The following MYT1L variants were observed in gnomAD, a reference collection of about 807,000 sequenced individuals.
MYT1L encodes myelin transcription factor 1 like.
In MYT1L, 12 loss-of-function variants were observed where a neutral mutation model predicts 126.7. The observed-to-expected ratio is 0.09, with a 90% CI of 0.06 to 0.15. MYT1L has a LOEUF of 0.15. Among genes scored for constraint, MYT1L ranks in the 10% least tolerant of loss-of-function variants. MYT1L has a pLI of 1.00. For synonymous variants in MYT1L, 541 were observed against 604.2 expected, an observed-to-expected ratio of 0.90 and a Z score of 1.53; for missense variants, 979 against 1,585.2, an observed-to-expected ratio of 0.62 and a Z score of 6.49.
chr2:1,846,241 C>T (rs745589403), intron 19 of MYT1L, among the ~76,000 whole-genome samples: 7 of 152,126 alleles, frequency 4.6e-5, no homozygotes, highest in African/African-American at 9.7e-5. Flanking sequence ...ACCTGTACCT[C>T]GAGGCTAGGA....
At chr2:2,262,190 A>G (rs1488880617) in intron 2 of MYT1L, among the ~76,000 whole-genome samples, 1 of 152,190 alleles carries the variant, frequency 6.6e-6, no homozygotes, top group Non-Finnish European at 1.5e-5. Context: ...GTAAATAATC[A>G]ACTTTGGGGA....
intron 14 of MYT1L, among the ~76,000 whole-genome samples, chr2:1,892,492 TTTTTTCC>T (rs1161683845): frequency 4.0e-5 from 6 of 150,872 alleles, no homozygotes; most frequent in East Asian, 3.9e-4. Flanking sequence ...TTTTTTCTTC[TTTTTTCC>T]TTTTTCCTTT....
chr2:2,120,880 G>A (rs1166325506), intron 3 of MYT1L, among the ~76,000 whole-genome samples: 1 of 151,722 alleles, frequency 6.6e-6, no homozygotes, highest in Non-Finnish European at 1.5e-5. Flanking sequence ...TGTCCCCATT[G>A]AGTGCGCACT....
intron 3 of MYT1L, among the ~76,000 whole-genome samples, chr2:2,139,509 C>T (rs565117085): frequency 2.0e-5 from 3 of 151,782 alleles, no homozygotes; most frequent in South Asian, 2.1e-4. Flanking sequence ...CGTGGTGGTG[C>T]GTGCCTATAA....
intron 4 of MYT1L, among the ~76,000 whole-genome samples, chr2:2,008,272 GTTGAT>G (rs1302627445): frequency 6.6e-6 from 1 of 152,190 alleles, no homozygotes; most frequent in African/African-American, 2.4e-5. Flanking sequence ...CTTCCATGAG[GTTGAT>G]TTGAGTTAAT....
intron 4 of MYT1L, among the ~76,000 whole-genome samples, chr2:2,049,444 A>C (rs989443709): frequency 5.9e-5 from 9 of 152,242 alleles, no homozygotes; most frequent in African/African-American, 2.2e-4. Context: ...CTTGGAAGTT[A>C]AAATGCCTAC....
At chr2:1,847,219 A>G (rs572007682) in intron 19 of MYT1L, among the ~76,000 whole-genome samples, 48 of 152,352 alleles carry the variant, frequency 3.2e-4, no homozygotes, top group Non-Finnish European at 5.7e-4. Context: ...CAGGATACCA[A>G]TAATCTCATA....
chr2:1,979,186 C>T lies in MYT1L; in HGVS notation c.131G>A (p.Gly44Asp). 6 of 1,613,680 alleles carry T rather than the reference C, an allele frequency of 3.7e-6. No homozygotes were observed. Among genetic ancestry groups the T allele is most frequent in the Non-Finnish European group, 4.2e-6 (5 of 1,179,852 alleles). ...TTACCTTCTGTGTCTTGCATATTTG[C>T]CACTGACATGACCACTGCCGTCACA... Reference protein sequence around the residue: ...PGCDGSGHVSGKYARHRSVYG... With the variant: ...PGCDGSGHVSDKYARHRSVYG... Residue 44 changes from glycine to aspartate, a missense_variant, in exon 8 of 25, where the codon GGC becomes GAC. This residue lies in a region of MYT1L where 12 missense variants were observed against 34.6 expected (regional missense o/e 0.35). Coordinates refer to ENST00000647738, the MANE Select transcript of MYT1L (RefSeq NM_001303052.2). This position sits in a 1 kb window ranked among gnomAD's most constrained non-coding sequence, Gnocchi z 4.0.
rs1169172940 is a variant in MYT1L, at chr2:1,922,591, G to A, written c.1178C>T (p.Ser393Leu). Residue 393 changes from serine to leucine, a missense_variant, in exon 10 of 25, where the codon TCG (serine) becomes TTG (leucine). By Grantham distance (145) the Ser-to-Leu change is moderately radical. This residue lies in a region of MYT1L where 243 missense variants were observed against 363.9 expected (regional missense o/e 0.67). Transcript: ENST00000647738. The surrounding 1 kb of genome is among the most constrained non-coding windows in gnomAD (Gnocchi z 7.4). ...MRLEEQLSPRSRVFASCAKED... is the reference protein window; with the variant it reads ...MRLEEQLSPRLRVFASCAKED... ...CTTCGCACAGCTGGCAAACACTCTC[G>A]ACCGGGGGCTCAACTGCTCCTCCAG... 2.5e-6 allele frequency: 4 copies of A among 1,613,774 alleles called. No homozygotes were observed. The highest frequency in any genetic ancestry group is 3.4e-6 in the Non-Finnish European group (4 of 1,179,882).
chr2:1,866,169 T>C (rs572773922), intron 18 of MYT1L, among the ~76,000 whole-genome samples: 1 of 152,094 alleles, frequency 6.6e-6, no homozygotes, highest in African/African-American at 2.4e-5. Flanking sequence ...TGGAAGCAGG[T>C]AGGTCAAGCC....
intron 3 of MYT1L, among the ~76,000 whole-genome samples, chr2:2,112,383 T>C (rs572472998): frequency 1.4e-4 from 21 of 152,366 alleles, no homozygotes; most frequent in East Asian, 1.3e-3. Context: ...AAGGAAAGTA[T>C]TGTACGTTTG....
At chr2:1,792,538 A>G (rs2032323990) in intron 23 of MYT1L, 74 bp from the exon 24 acceptor site, 1 of 1,508,176 alleles carries the variant, frequency 6.6e-7, no homozygotes, top group Admixed American at 1.8e-5. Flanking sequence ...CGGGGGCCAC[A>G]GTCTACTGGG....
chr2:2,295,673 GAGAGAGAC>G (rs2095671068), intron 1 of MYT1L, among the ~76,000 whole-genome samples: 3 of 143,200 alleles, frequency 2.1e-5, no homozygotes, highest in East Asian at 2.1e-4. Flanking sequence ...CAGAGAGAGA[GAGAGAGAC>G]AGACAGAGAG....
intron 4 of MYT1L, among the ~76,000 whole-genome samples, chr2:2,040,865 CT>C (rs2067451215): frequency 6.6e-6 from 1 of 152,142 alleles, no homozygotes. Context: ...TAACTGGTTT[CT>C]ACTTTTCTAC....
intron 2 of MYT1L, among the ~76,000 whole-genome samples, chr2:2,259,853 T>C (rs1048133477): frequency 2.6e-5 from 4 of 152,128 alleles, no homozygotes; most frequent in Non-Finnish European, 4.4e-5. Flanking sequence ...CGAGCTCCAG[T>C]TTATTTCATA....
At chr2:2,214,665 T>C (rs182104420) in intron 2 of MYT1L, among the ~76,000 whole-genome samples, 12 of 152,248 alleles carry the variant, frequency 7.9e-5, no homozygotes, top group Non-Finnish European at 1.5e-4. Flanking sequence ...TCTTCAGATA[T>C]AGAGAAGCTG....
intron 2 of MYT1L, among the ~76,000 whole-genome samples, chr2:2,217,703 C>G (rs149390842): frequency 1.4e-5 from 1 of 74,034 alleles, no homozygotes; most frequent in African/African-American, 7.0e-5. Flanking sequence ...ACAACAACAA[C>G]AACAAAAAAA....
At chr2:1,926,767 G>T (rs1180187464) in intron 9 of MYT1L, among the ~76,000 whole-genome samples, 1 of 152,198 alleles carries the variant, frequency 6.6e-6, no homozygotes, top group African/African-American at 2.4e-5. Context: ...TTGAACTCCT[G>T]ACCTCAAGTG....
intron 3 of MYT1L, among the ~76,000 whole-genome samples, chr2:2,159,191 G>A (rs1470434473): frequency 5.9e-5 from 9 of 152,112 alleles, no homozygotes; most frequent in Admixed American, 5.9e-4. Context: ...GACGGTGACA[G>A]ACCTGCTTTT....
Sources: gnomAD v4.1 joint callset for allele counts (sites outside exome capture counted in the v4.1 genomes callset) on GRCh38, gnomAD v4.1.1 for gene constraint, gnomAD v4.1.1 regional missense constraint, Gnocchi (gnomAD v3.1) non-coding constraint, MANE v1.5 for transcripts, NCBI Gene and HGNC (gene_info 2026-07-23, HGNC 2026-07-21) for gene names.